RIMS2: variants seen among roughly 807,000 people sequenced by gnomAD.
RIMS2 encodes the protein regulating synaptic membrane exocytosis 2, also known as regulating synaptic membrane exocytosis protein 2.
In RIMS2, 59 loss-of-function variants were observed where a neutral mutation model predicts 174.4. The ratio of observed to expected loss-of-function variants is 0.34; its 90% CI spans 0.27 to 0.42. The LOEUF (loss-of-function observed/expected upper bound fraction) is 0.42. Ranked by LOEUF, RIMS2 falls within the 10% of genes least tolerant of loss-of-function variation. The pLI, the probability that RIMS2 is intolerant of heterozygous loss-of-function variation, is 1.00. For synonymous variants in RIMS2, 606 were observed against 572.5 expected (o/e 1.06, Z -0.84); for missense variants, 1,620 against 1,666.3 (o/e 0.97, Z 0.48).
At chr8:103,678,485 C>G (rs754049608) in intron 1 of RIMS2, among the ~76,000 whole-genome samples, 1 of 151,948 alleles carries the variant, frequency 6.6e-6, no homozygotes, top group Non-Finnish European at 1.5e-5. Flanking sequence ...AGGGATTTGA[C>G]CTAGTCAGTG....
chr8:104,142,712 C>G (rs12547082), intron 19 of RIMS2, among the ~76,000 whole-genome samples: 3,007 of 152,208 alleles, frequency 0.02, 140 homozygotes, highest in East Asian at 0.15. Context: ...AGATTAATTA[C>G]TAATGGCTAT....
rs147732026 is a variant in RIMS2 at position 103,690,234 on chromosome 8, G to A, written c.177-6852G>A. Among the ~76,000 whole-genome samples the A allele has an allele frequency of 1.3e-3, 204 of 152,228 alleles. 1 individual carries two copies. Among genetic ancestry groups the A allele is most frequent in the African/African-American group, 4.6e-3 (191 of 41,546 alleles). On this transcript the variant is annotated intron_variant, in intron 1 of 23. Coordinates refer to ENST00000504942, the Ensembl canonical transcript of RIMS2. ...CCACCTCAGCTTCCTGAAGTTCTGGGATTATAGTCATGAGCCACCGCTCCT... is the reference window on the plus strand; with the variant it reads ...CCACCTCAGCTTCCTGAAGTTCTGGAATTATAGTCATGAGCCACCGCTCCT...
At chr8:103,990,033 A>G (rs2094584975) in intron 17 of RIMS2, among the ~76,000 whole-genome samples, 1 of 152,180 alleles carries the variant, frequency 6.6e-6, no homozygotes, top group African/African-American at 2.4e-5. Context: ...CAATGCTTAC[A>G]TTAGCTGCTA....
At chr8:103,793,146 C>T (rs1276222016) in intron 3 of RIMS2, among the ~76,000 whole-genome samples, 3 of 152,170 alleles carry the variant, frequency 2.0e-5, no homozygotes, top group Non-Finnish European at 4.4e-5. Flanking sequence ...GAATTTTAGA[C>T]CAATATCCCT....
intron 1 of RIMS2, among the ~76,000 whole-genome samples, chr8:103,687,948 T>C (rs1439287222): frequency 6.6e-6 from 1 of 152,146 alleles, no homozygotes; most frequent in Non-Finnish European, 1.5e-5. Context: ...TATTGACTAT[T>C]GTAAATAATG....
chr8:103,626,679 T>C (rs1342975578), intron 1 of RIMS2, among the ~76,000 whole-genome samples: 1 of 152,158 alleles, frequency 6.6e-6, no homozygotes, highest in East Asian at 1.9e-4. Flanking sequence ...TCCCTAAATG[T>C]CAGCTGGTCT....
chr8:104,180,542 AAGG>A (rs148683081), intron 19 of RIMS2, among the ~76,000 whole-genome samples: 1,767 of 151,762 alleles, frequency 0.012, 32 homozygotes, highest in African/African-American at 0.041. Context: ...TAAAAACAGG[AAGG>A]AGGAGAAGAA....
chr8:103,794,778 A>G (rs928762180), intron 3 of RIMS2, among the ~76,000 whole-genome samples: 1 of 152,260 alleles, frequency 6.6e-6, no homozygotes, highest in Admixed American at 6.5e-5. Flanking sequence ...GGCAAAGGAT[A>G]TGAACAGACA....
At chr8:103,828,354 TC>T (rs2098804534) in intron 3 of RIMS2, among the ~76,000 whole-genome samples, 2 of 152,190 alleles carry the variant, frequency 1.3e-5, no homozygotes, top group African/African-American at 4.8e-5. Flanking sequence ...GATAAAGTAT[TC>T]AATTTCTTTG....
At chr8:103,529,345 G>A (rs1342899012) in intron 1 of RIMS2, among the ~76,000 whole-genome samples, 1 of 152,202 alleles carries the variant, frequency 6.6e-6, no homozygotes, top group East Asian at 1.9e-4. Context: ...CCTCCCCCAG[G>A]CTTGCTGCCA....
chr8:104,105,995 TGC>T (rs2098045522), intron 19 of RIMS2, among the ~76,000 whole-genome samples: 1 of 118,876 alleles, frequency 8.4e-6, no homozygotes. Flanking sequence ...GCCAAGATTG[TGC>T]CACTGCACTC....
intron 2 of RIMS2, among the ~76,000 whole-genome samples, chr8:103,739,616 A>C (rs897935528): frequency 6.6e-6 from 1 of 152,226 alleles, no homozygotes; most frequent in Non-Finnish European, 1.5e-5. Context: ...ACTGGCTGCA[A>C]CAGACCTGGT....
intron 19 of RIMS2, among the ~76,000 whole-genome samples, chr8:104,037,377 A>C (rs1196185788): frequency 6.6e-6 from 1 of 152,182 alleles, no homozygotes; most frequent in African/African-American, 2.4e-5. Flanking sequence ...TCATTGTGTC[A>C]GGAACGTTTT....
chr8:103,549,578 T>C (rs201980002), intron 1 of RIMS2, among the ~76,000 whole-genome samples: 1 of 151,992 alleles, frequency 6.6e-6, no homozygotes, highest in African/African-American at 2.4e-5. Flanking sequence ...AGCAAAATAA[T>C]CAGCTAACAT....
intron 1 of RIMS2, among the ~76,000 whole-genome samples, chr8:103,587,275 A>T (rs1161896120): frequency 6.6e-6 from 1 of 152,014 alleles, no homozygotes; most frequent in Non-Finnish European, 1.5e-5. Context: ...TCTACCAAAC[A>T]TTTAAAGAAG....
Position 103,652,784 on chromosome 8 carries a change from A to G in RIMS2, c.177-44302A>G, listed in dbSNP as rs2096475583. On this transcript the variant is annotated intron_variant, in intron 1 of 23. Transcript: ENST00000504942. ...CATACTGAAAAGTATGTGTTAAAAT[A>G]CTGTCCTTGAAATAGTATGCCCTCA... 4.4e-6 allele frequency: 4 copies of G among 915,194 alleles called. 1 individual carries two copies. The South Asian group carries it at 5.5e-5, about 13-fold the overall frequency. The allele number at this position is 915,194 out of a possible 1,614,324, so 56.7% of individuals were successfully genotyped here. A position where few individuals can be genotyped will look rare whatever the true frequency, so the allele number is the denominator to read the frequency against.
chr8:103,619,377 C>T (rs13274021), intron 1 of RIMS2, among the ~76,000 whole-genome samples: 64,544 of 151,648 alleles, frequency 0.43, 14,651 homozygotes, highest in African/African-American at 0.57. Flanking sequence ...TGAAAATATA[C>T]TTAAATATTT....
intron 19 of RIMS2, among the ~76,000 whole-genome samples, chr8:104,196,564 C>T (rs1222066196): frequency 2.6e-5 from 4 of 151,982 alleles, no homozygotes; most frequent in Admixed American, 1.3e-4. Flanking sequence ...TGTTATATAA[C>T]ATCATTCTAT....
chr8:103,746,139 G>A (rs2097809307), intron 2 of RIMS2, among the ~76,000 whole-genome samples: 1 of 152,154 alleles, frequency 6.6e-6, no homozygotes, highest in Non-Finnish European at 1.5e-5. Flanking sequence ...GTATGAGTTA[G>A]GGGTCCAACT....
Sources: allele counts gnomAD v4.1 joint callset (sites outside exome capture counted in the v4.1 genomes callset), GRCh38; gene constraint gnomAD v4.1.1; transcripts MANE v1.5; gene names NCBI Gene and HGNC (gene_info 2026-07-23, HGNC 2026-07-21).